The following CTNNA3 variants were observed in gnomAD, a reference collection of about 807,000 sequenced individuals.
The protein encoded by CTNNA3 is catenin alpha 3, also known as catenin alpha-3.
A neutral mutation model predicts 95.7 loss-of-function variants in CTNNA3; 76 were observed. That is an observed-to-expected ratio of 0.79 (90% confidence interval 0.66 to 0.96). The LOEUF is 0.96. Ranked by LOEUF, CTNNA3 falls within the 40% of genes least tolerant of loss-of-function variation. CTNNA3 has a pLI of 0.00. For synonymous variants in CTNNA3, 431 were observed against 374.4 expected, an observed-to-expected ratio of 1.15 and a Z score of -1.74; for missense variants, 1,191 against 1,089.8, an observed-to-expected ratio of 1.09 and a Z score of -1.31.
At chr10:67,291,220 C>T (rs7905532) in intron 5 of CTNNA3, among the ~76,000 whole-genome samples, 48,389 of 151,978 alleles carry the variant, frequency 0.32, 13,163 homozygotes, top group African/African-American at 0.74. Flanking sequence ...AATACATGTA[C>T]AATGCTTGGG....
At chr10:66,657,634 C>T (rs972629125) in intron 9 of CTNNA3, among the ~76,000 whole-genome samples, 1 of 152,108 alleles carries the variant, frequency 6.6e-6, no homozygotes, top group Non-Finnish European at 1.5e-5. Flanking sequence ...AATGTACTTG[C>T]ACACTTTCAT....
intron 5 of CTNNA3, among the ~76,000 whole-genome samples, chr10:67,297,440 G>A (rs944864254): frequency 2.6e-5 from 4 of 152,166 alleles, no homozygotes; most frequent in African/African-American, 9.7e-5. Flanking sequence ...TCAGCCCACT[G>A]GAAGGATTTC....
rs189374656 is a variant in CTNNA3, at chr10:66,010,945, C to G, written c.2160-22148G>C. On this transcript the variant is annotated intron_variant, in intron 15 of 17. Coordinates refer to ENST00000433211, the MANE Select transcript of CTNNA3 (RefSeq NM_013266.4). ...AGAAGAGATTCTTAGTAGGCATAAG[C>G]CTATGTTCTTGCTGCGGTTTCTACT... Among the ~76,000 whole-genome samples the G allele has an allele frequency of 2.1e-4, 32 of 152,268 alleles. No homozygotes were observed. The East Asian group carries it at 4.4e-3, about 21-fold the overall frequency.
chr10:65,934,421 G>A (rs1212940448), intron 17 of CTNNA3, among the ~76,000 whole-genome samples: 1 of 151,794 alleles, frequency 6.6e-6, no homozygotes, highest in Admixed American at 6.6e-5. Context: ...GTGTAGCACT[G>A]GCTTATCTAA....
At chr10:67,633,196 C>T (rs1002141780) in intron 2 of CTNNA3, among the ~76,000 whole-genome samples, 3 of 152,072 alleles carry the variant, frequency 2.0e-5, no homozygotes, top group Non-Finnish European at 2.9e-5. Flanking sequence ...TTTCAGCCAC[C>T]CCAGCAAGGG....
At chr10:66,157,740 G>T (rs978063711) in intron 13 of CTNNA3, among the ~76,000 whole-genome samples, 1 of 151,746 alleles carries the variant, frequency 6.6e-6, no homozygotes, top group Non-Finnish European at 1.5e-5. Context: ...TTAAGGAATC[G>T]CCACACTGTT....
intron 5 of CTNNA3, among the ~76,000 whole-genome samples, chr10:67,382,666 T>C (rs1370276812): frequency 1.3e-5 from 2 of 152,152 alleles, no homozygotes; most frequent in Non-Finnish European, 2.9e-5. Context: ...TGCATTGTTA[T>C]AAAGGAAATA....
At position 66,429,764 on chromosome 10, in the gene CTNNA3, C is replaced by T. The variant is rs1030405599; in HGVS notation, c.1532-50412G>A. On this transcript the variant is annotated intron_variant, in intron 11 of 17. Coordinates refer to ENST00000433211, the MANE Select transcript of CTNNA3 (RefSeq NM_013266.4). ...GATGGGAAGTATCTAAAAATAATAACAGCTACATATGACAAACCCACAACC... is the reference window on the plus strand; with the variant it reads ...GATGGGAAGTATCTAAAAATAATAATAGCTACATATGACAAACCCACAACC... Among the ~76,000 whole-genome samples, 3 of 151,970 alleles carry T rather than the reference C, an allele frequency of 2.0e-5. No homozygotes were observed. In the South Asian group the frequency reaches 6.2e-4, roughly 32 times the overall value.
intron 10 of CTNNA3, among the ~76,000 whole-genome samples, chr10:66,523,758 C>A (rs1450789182): frequency 2.0e-5 from 3 of 151,994 alleles, no homozygotes; most frequent in Non-Finnish European, 4.4e-5. Flanking sequence ...ATTCTAGTAG[C>A]CTTGTAGGTT....
chr10:67,132,258 G>C (rs1310333325), intron 7 of CTNNA3, among the ~76,000 whole-genome samples: 2 of 152,076 alleles, frequency 1.3e-5, no homozygotes, highest in African/African-American at 4.8e-5. Flanking sequence ...GGTTAGGATT[G>C]ATGCGACAAA....
intron 7 of CTNNA3, among the ~76,000 whole-genome samples, chr10:66,879,891 A>G (rs1196948839): frequency 6.6e-6 from 1 of 152,132 alleles, no homozygotes; most frequent in East Asian, 1.9e-4. Flanking sequence ...TTAGAAATGT[A>G]GCCTGGAGCC....
At chr10:66,449,335 C>T (rs1176832237) in intron 11 of CTNNA3, among the ~76,000 whole-genome samples, 1 of 151,828 alleles carries the variant, frequency 6.6e-6, no homozygotes, top group Non-Finnish European at 1.5e-5. Context: ...ATGTAGATGC[C>T]AACCAACAAA....
intron 9 of CTNNA3, among the ~76,000 whole-genome samples, chr10:66,677,694 C>A (rs1846909922): frequency 6.6e-6 from 1 of 152,120 alleles, no homozygotes; most frequent in African/African-American, 2.4e-5. Flanking sequence ...TTTTGCTTCT[C>A]ATTTCCCTTC....
At chr10:66,227,742 T>A (rs1278421412) in intron 13 of CTNNA3, among the ~76,000 whole-genome samples, 1 of 152,162 alleles carries the variant, frequency 6.6e-6, no homozygotes, top group African/African-American at 2.4e-5. Flanking sequence ...TTGTGAGAAC[T>A]GATTTTAGTT....
chr10:67,697,253 T>G (rs1840982616), upstream of CTNNA3, among the ~76,000 whole-genome samples: 1 of 152,224 alleles, frequency 6.6e-6, no homozygotes, highest in African/African-American at 2.4e-5. Context: ...CTCCCCAGAT[T>G]TTTTTAAAGC....
At chr10:67,082,755 A>T (rs1857114318) in intron 7 of CTNNA3, among the ~76,000 whole-genome samples, 2 of 152,164 alleles carry the variant, frequency 1.3e-5, no homozygotes, top group African/African-American at 4.8e-5. Context: ...AGAGAAGAGG[A>T]TTTCTGAATA....
At chr10:66,581,413 A>AT (rs3053825) in intron 10 of CTNNA3, among the ~76,000 whole-genome samples, 87,207 of 147,986 alleles carry the variant, frequency 0.59, 26,827 homozygotes, top group Non-Finnish European at 0.69. Flanking sequence ...TCTTTTGGGG[A>AT]TTTTTTTTTT....
chr10:66,950,575 C>T (rs1474916829), intron 7 of CTNNA3, among the ~76,000 whole-genome samples: 1 of 151,874 alleles, frequency 6.6e-6, no homozygotes. Context: ...TAAAACATTG[C>T]ATTTAATATA....
At chr10:67,624,568 C>T (rs1310154164) in intron 2 of CTNNA3, among the ~76,000 whole-genome samples, 1 of 152,134 alleles carries the variant, frequency 6.6e-6, no homozygotes, top group Admixed American at 6.5e-5. Context: ...GTCTTTTCTC[C>T]TGTTAATCTG....
Sources: gnomAD v4.1 joint callset for allele counts (sites outside exome capture counted in the v4.1 genomes callset) on GRCh38, gnomAD v4.1.1 for gene constraint, MANE v1.5 for transcripts, NCBI Gene and HGNC (gene_info 2026-07-23, HGNC 2026-07-21) for gene names.